Variants in PDE8A observed in about 807,000 individuals in gnomAD.
PDE8A encodes the protein phosphodiesterase 8A.
PDE8A carries 59 observed loss-of-function variants against 105.0 expected under a neutral mutation model. The ratio of observed to expected loss-of-function variants is 0.56; its 90% CI spans 0.46 to 0.70. The LOEUF (loss-of-function observed/expected upper bound fraction) is 0.70. PDE8A is among the 30% of genes least tolerant of loss of function. The probability of loss-of-function intolerance (pLI) is 0.00; values close to 1 mark genes in which losing one functional copy is unlikely to be tolerated. For synonymous variants in PDE8A, 355 were observed against 371.9 expected (o/e 0.95, Z 0.52); for missense variants, 1,014 against 1,045.9 (o/e 0.97, Z 0.42).
At chr15:85,053,413 G>T (rs1000414356) in intron 1 of PDE8A, among the ~76,000 whole-genome samples, 17 of 152,362 alleles carry the variant, frequency 1.1e-4, no homozygotes, top group African/African-American at 4.1e-4. Context: ...GCCTTGGGCA[G>T]TGTGGCCATT....
chr15:85,137,301 C>A (rs3743157), intron 21 of PDE8A, among the ~76,000 whole-genome samples: 49,625 of 151,928 alleles, frequency 0.33, 11,829 homozygotes, highest in African/African-American at 0.67. Flanking sequence ...CTTTGGGGGA[C>A]ACTGCATACT....
intron 1 of PDE8A, among the ~76,000 whole-genome samples, chr15:85,062,150 T>C (rs1368650933): frequency 6.6e-6 from 1 of 152,238 alleles, no homozygotes; most frequent in Non-Finnish European, 1.5e-5. Flanking sequence ...TGTACTTTCC[T>C]GTTTGTGTGC....
At chr15:85,119,338 G>A (rs1247973347) in intron 17 of PDE8A, among the ~76,000 whole-genome samples, 1 of 151,708 alleles carries the variant, frequency 6.6e-6, no homozygotes, top group East Asian at 1.9e-4. Context: ...GCATGGTGGT[G>A]CAGGCCTATA....
chr15:85,089,306 T>G, intron 6 of PDE8A, 32 bp from the exon 7 acceptor site: 1 of 1,120,294 alleles, frequency 8.9e-7, no homozygotes. Context: ...AGTATTTACA[T>G]TAATCATTCC....
chr15:85,083,620 A>C lies in PDE8A; in HGVS notation c.611A>C (p.Glu204Ala). The C allele has an allele frequency of 6.2e-7, 1 of 1,612,846 alleles. No individual in the cohort carries two copies. The highest frequency in any genetic ancestry group is 8.5e-7 in the Non-Finnish European group (1 of 1,178,900). The change falls in exon 6 of 22, where the codon GAG (glutamate) becomes GCG (alanine). Residue 204 changes from glutamate to alanine, a missense_variant. Glu to Ala is a moderately radical substitution (Grantham distance 107). Transcript: ENST00000394553. ...GAACTGCTCCAGCTGGAGTTTGGAG[A>C]GGTGCGATCACAACTGAAACTCAGG... ...YNELLQLEFG[E>A]VRSQLKLRAC...
chr15:85,088,783 A>G (rs1321892177), intron 6 of PDE8A, among the ~76,000 whole-genome samples: 1 of 152,222 alleles, frequency 6.6e-6, no homozygotes, highest in Non-Finnish European at 1.5e-5. Flanking sequence ...TGTCACTTGT[A>G]TAATTTTAAA....
chr15:85,118,251 C>G (rs2082126651), intron 17 of PDE8A, among the ~76,000 whole-genome samples: 1 of 152,114 alleles, frequency 6.6e-6, no homozygotes, highest in African/African-American at 2.4e-5. Flanking sequence ...CAGCACTGCT[C>G]CCACCCAGGG....
chr15:85,011,927 G>A (rs1486961788), intron 1 of PDE8A, among the ~76,000 whole-genome samples: 2 of 152,184 alleles, frequency 1.3e-5, no homozygotes, highest in Non-Finnish European at 2.9e-5. Context: ...CATTTATGCA[G>A]CCAAAAAACA....
intron 3 of PDE8A, among the ~76,000 whole-genome samples, chr15:85,073,972 C>G (rs923759300): frequency 6.6e-6 from 1 of 152,194 alleles, no homozygotes; most frequent in African/African-American, 2.4e-5. Flanking sequence ...AAGGGGTCTT[C>G]CAGCAGAGCC....
intron 7 of PDE8A, chr15:85,090,819 A>G (rs2081630339): frequency 1.7e-6 from 1 of 596,238 alleles, no homozygotes; most frequent in East Asian, 3.5e-5. Flanking sequence ...TCAGGAGAAC[A>G]TAGCAGAAAG....
chr15:85,066,604 ACACACACACACACACACACACACAC>A (rs2081231200), intron 2 of PDE8A, among the ~76,000 whole-genome samples: 1 of 65,948 alleles, frequency 1.5e-5, no homozygotes, highest in African/African-American at 1.1e-4. Context: ...ACACACACAC[ACACACACACACACACACACACACAC>A]ACACACACAC....
At chr15:85,018,041 T>C (rs1377861168) in intron 1 of PDE8A, among the ~76,000 whole-genome samples, 1 of 152,180 alleles carries the variant, frequency 6.6e-6, no homozygotes, top group Admixed American at 6.5e-5. Context: ...ATATCCAGAA[T>C]AAGTATGGTT....
chr15:85,032,602 T>G (rs289388), intron 1 of PDE8A, among the ~76,000 whole-genome samples: 82,569 of 151,882 alleles, frequency 0.54, 22,471 homozygotes, highest in East Asian at 0.56. Flanking sequence ...TTTATGGGAT[T>G]GTTTATTTTA....
chr15:85,045,768 T>G (rs887221379), intron 1 of PDE8A, among the ~76,000 whole-genome samples: 4 of 152,190 alleles, frequency 2.6e-5, no homozygotes, highest in Non-Finnish European at 5.9e-5. Context: ...TAAGAACTGG[T>G]ATCTCCTGAC....
At chr15:84,988,438 TC>T (rs1049842192) in intron 1 of PDE8A, among the ~76,000 whole-genome samples, 2 of 152,206 alleles carry the variant, frequency 1.3e-5, no homozygotes, top group African/African-American at 4.8e-5. Context: ...GTTGAAGTCA[TC>T]TTCAGCCCTG....
At chr15:85,093,304 T>A (rs2081680404) in intron 8 of PDE8A, among the ~76,000 whole-genome samples, 1 of 152,206 alleles carries the variant, frequency 6.6e-6, no homozygotes, top group African/African-American at 2.4e-5. Flanking sequence ...AGGAACCTGC[T>A]GGTCTATGGG....
chr15:85,015,407 A>G (rs59463135), intron 1 of PDE8A, among the ~76,000 whole-genome samples: 78 of 152,146 alleles, frequency 5.1e-4, no homozygotes, highest in Middle Eastern at 3.4e-3. Flanking sequence ...GAGTCTCACT[A>G]TGGTGCCCAG....
intron 11 of PDE8A, among the ~76,000 whole-genome samples, chr15:85,106,481 AAGAG>A (rs3029849): frequency 2.0e-5 from 3 of 152,230 alleles, no homozygotes; most frequent in East Asian, 3.9e-4. Context: ...AGTGGAATAA[AAGAG>A]AGAAGAATGA....
At chr15:85,014,715 A>G (rs951225963) in intron 1 of PDE8A, among the ~76,000 whole-genome samples, 1 of 152,188 alleles carries the variant, frequency 6.6e-6, no homozygotes, top group African/African-American at 2.4e-5. Context: ...CTCGCTTCAC[A>G]GCATATCCTT....
Sources: gnomAD v4.1 joint callset for allele counts (sites outside exome capture counted in the v4.1 genomes callset) on GRCh38, gnomAD v4.1.1 for gene constraint, MANE v1.5 for transcripts, NCBI Gene and HGNC (gene_info 2026-07-23, HGNC 2026-07-21) for gene names.